Variants in NUDT1 observed in about 807,000 individuals in gnomAD.
The protein encoded by NUDT1 is oxidized purine nucleoside triphosphate hydrolase.
In NUDT1, 16 loss-of-function variants were observed where a neutral mutation model predicts 11.3. The observed-to-expected ratio is 1.41, with a 90% CI of 0.96 to 2.15. The LOEUF (loss-of-function observed/expected upper bound fraction) is 2.15, where lower values mean the gene tolerates loss of function less well. Among genes scored for constraint, NUDT1 ranks in the 30% most tolerant of loss-of-function variants. NUDT1 has a pLI of 0.00. For missense variants in NUDT1, 234 were observed against 208.4 expected, an observed-to-expected ratio of 1.12 and a Z score of -0.76; for synonymous variants, 101 against 84.4, an observed-to-expected ratio of 1.20 and a Z score of -1.08.
At chr7:2,249,815 A>G (rs1794905954) in intron 2 of NUDT1, 42 bp from the exon 3 acceptor site, 1 of 1,607,374 alleles carries the variant, frequency 6.2e-7, no homozygotes, top group Non-Finnish European at 8.5e-7. Context: ...GCATGGCACC[A>G]TGCCCTGACG....
intron 3 of NUDT1, 152 bp downstream of exon 3, chr7:2,250,154 G>A: frequency 9.6e-7 from 1 of 1,037,030 alleles, no homozygotes; most frequent in East Asian, 2.6e-5. Flanking sequence ...GGGCCCATGA[G>A]CCGTGGTCTC....
intron 2 of NUDT1, chr7:2,249,594 TC>T: frequency 3.8e-6 from 2 of 528,816 alleles, no homozygotes; most frequent in Non-Finnish European, 6.9e-6. Flanking sequence ...ACTGCGTTCC[TC>T]CCACCAGAGG....
intron 2 of NUDT1, 29 bp from the exon 3 acceptor site, chr7:2,249,828 C>A (rs369679304): frequency 6.2e-7 from 1 of 1,610,354 alleles, no homozygotes. Flanking sequence ...CCCTGACGGC[C>A]TCCCTCCCCT....
At chr7:2,250,527 G>T (rs558426916) in intron 3 of NUDT1, among the ~76,000 whole-genome samples, 1 of 152,160 alleles carries the variant, frequency 6.6e-6, no homozygotes, top group Non-Finnish European at 1.5e-5. Flanking sequence ...GCGCAATCTC[G>T]GCTCACTGCA....
At chr7:2,243,087 G>A (rs1251420491) in intron 1 of NUDT1, 6 of 706,494 alleles carry the variant, frequency 8.5e-6, no homozygotes, top group Non-Finnish European at 1.6e-5. Flanking sequence ...AGCAGCCTGG[G>A]CTCTCCTCTG....
chr7:2,244,783 G>A, intron 2 of NUDT1, 57 bp downstream of exon 2: 2 of 1,562,074 alleles, frequency 1.3e-6, no homozygotes, highest in South Asian at 2.3e-5. Context: ...CAGGGATTCG[G>A]GCTGTAGGGC....
At chr7:2,243,724 G>A (rs1455127561) in intron 1 of NUDT1, among the ~76,000 whole-genome samples, 4 of 152,308 alleles carry the variant, frequency 2.6e-5, no homozygotes, top group Middle Eastern at 3.4e-3. Context: ...AGTGAACCGC[G>A]ATCACGCCAC....
intron 1 of NUDT1, chr7:2,242,563 C>CGGGCCTGGTGTGA (rs929951372): frequency 1.7e-5 from 6 of 349,888 alleles, no homozygotes; most frequent in Admixed American, 4.5e-5. Flanking sequence ...ACAAAGTACA[C>CGGGCCTGGTGTGA]GGGCCTGGTG....
chr7:2,242,786 G>A, intron 1 of NUDT1: 2 of 600,626 alleles, frequency 3.3e-6, no homozygotes, highest in East Asian at 2.8e-5. Context: ...GTCTAGGGGT[G>A]AATGTTTGCA....
At chr7:2,242,311 CGGGCCAGCGGGCGGCA>C in intron 1 of NUDT1, 55 bp downstream of exon 1, 1 of 759,802 alleles carries the variant, frequency 1.3e-6, no homozygotes, top group South Asian at 1.9e-5. Flanking sequence ...GGAGGGGAGC[CGGGCCAGCGGGCGGCA>C]GGAGACTAGG....
At chr7:2,246,723 T>G (rs1471468509) in intron 2 of NUDT1, among the ~76,000 whole-genome samples, 4 of 152,170 alleles carry the variant, frequency 2.6e-5, no homozygotes, top group Non-Finnish European at 5.9e-5. Context: ...GGTGGCTTGC[T>G]GTCAGACCAG....
rs191018298 is a variant in NUDT1, at chr7:2,247,430, G to A, written c.153-2427G>A. Among the ~76,000 whole-genome samples, 132 of 152,302 alleles carry A rather than the reference G, an allele frequency of 8.7e-4. 1 individual carries two copies. The highest frequency in any genetic ancestry group is 2.8e-3 in the African/African-American group (115 of 41,574). ...GCACGTAGGGAGTACTGAATTGTGGGGGTGTGCAGATTTGGGCTTCAGGCG... is the reference window on the plus strand; with the variant it reads ...GCACGTAGGGAGTACTGAATTGTGGAGGTGTGCAGATTTGGGCTTCAGGCG... On this transcript the variant is annotated intron_variant, in intron 2 of 3. Transcript: ENST00000356714.
intron 2 of NUDT1, among the ~76,000 whole-genome samples, chr7:2,245,321 C>T (rs1237130004): frequency 6.6e-6 from 1 of 152,140 alleles, no homozygotes; most frequent in Non-Finnish European, 1.5e-5. Flanking sequence ...CAGACGTTAG[C>T]CCCCGTTCGT....
chr7:2,242,303 A>C (rs934114143), intron 1 of NUDT1, 47 bp downstream of exon 1: 8 of 868,772 alleles, frequency 9.2e-6, no homozygotes, highest in Admixed American at 3.3e-5. Flanking sequence ...GTGACCAGGG[A>C]GGGGAGCCGG....
At chr7:2,244,510 G>A (rs749679248) in intron 1 of NUDT1, 53 bp from the exon 2 acceptor site, 35 of 1,258,788 alleles carry the variant, frequency 2.8e-5, no homozygotes, top group East Asian at 6.7e-5. Flanking sequence ...CCCCTGGCAC[G>A]TGCTTCCTCC....
intron 2 of NUDT1, among the ~76,000 whole-genome samples, chr7:2,245,284 G>A (rs1194265273): frequency 3.3e-5 from 5 of 152,196 alleles, no homozygotes; most frequent in African/African-American, 9.7e-5. Context: ...CAGGGTAAAT[G>A]AGATCATCTG....
Position 2,249,543 on chromosome 7 carries a change from G to A in NUDT1, c.153-314G>A, listed in dbSNP as rs111563068. 6.0e-4 allele frequency: 261 copies of A among 437,556 alleles called. 5 individuals carry two copies. The highest frequency in any genetic ancestry group is 4.9e-3 in the African/African-American group (247 of 50,010). The allele number at this position is 437,556 out of a possible 1,614,324, so 27.1% of individuals were successfully genotyped here. ...GTGGACAAGTGGCTGGACTCCACTG[G>A]GCCTGGGCTGTCACTGGTACACAGA... On this transcript the variant is annotated intron_variant, in intron 2 of 3. Transcript: ENST00000356714.
At chr7:2,250,453 G>A (rs913620755) in intron 3 of NUDT1, among the ~76,000 whole-genome samples, 1 of 151,966 alleles carries the variant, frequency 6.6e-6, no homozygotes, top group East Asian at 1.9e-4. Context: ...ACATGGTTTT[G>A]TTGTTGTTGC....
At chr7:2,246,800 G>A (rs1794782868) in intron 2 of NUDT1, among the ~76,000 whole-genome samples, 1 of 152,150 alleles carries the variant, frequency 6.6e-6, no homozygotes, top group African/African-American at 2.4e-5. Context: ...GTGTAACCTG[G>A]AGACGGGGGT....
Sources: gnomAD v4.1 joint callset for allele counts (sites outside exome capture counted in the v4.1 genomes callset) on GRCh38, gnomAD v4.1.1 for gene constraint, MANE v1.5 for transcripts, NCBI Gene and HGNC (gene_info 2026-07-23, HGNC 2026-07-21) for gene names.